PLEKHN1: variants seen among roughly 807,000 people sequenced by gnomAD.
The protein encoded by PLEKHN1 is pleckstrin homology domain-containing family N member 1.
A neutral mutation model predicts 72.8 loss-of-function variants in PLEKHN1; 68 were observed. That is an observed-to-expected ratio of 0.93 (90% CI 0.77 to 1.14). The LOEUF (loss-of-function observed/expected upper bound fraction) is 1.14, where lower values mean the gene tolerates loss of function less well. PLEKHN1 is among the 50% of genes most tolerant of loss of function. The pLI is 0.00. For missense variants in PLEKHN1, 1,015 were observed against 840.5 expected (o/e 1.21, Z -2.57); for synonymous variants, 454 against 371.6 (o/e 1.22, Z -2.55).
Position 966,725 on chromosome 1 carries a change from G to A in PLEKHN1, c.105G>A (p.Ser35=), listed in dbSNP as rs759715978. The A allele has an allele frequency of 4.4e-6, 7 of 1,573,654 alleles. No homozygotes were observed. The highest frequency in any genetic ancestry group is 4.1e-5 in the African/African-American group (3 of 73,858). The part of the protein sequence containing the change: ...KGNREDSARM[S]AGLPGPEAAR... ...CCAGAGAGGACAGCGCGCGGATGTC[G>A]GCCGGCCTGCCGGGCCCCGAGGCTG... The change falls in exon 2 of 16, where the codon TCG becomes TCA. Residue 35 remains serine (S), a synonymous_variant. Transcript: ENST00000379410.
At chr1:967,685 T>C (rs879279297) in intron 2 of PLEKHN1, among the ~76,000 whole-genome samples, 20 of 152,152 alleles carry the variant, frequency 1.3e-4, no homozygotes, top group Admixed American at 1.2e-3. Flanking sequence ...TCTCCTGACC[T>C]CCAGAGTTTC....
intron 8 of PLEKHN1, chr1:971,653 C>T (rs925392327): frequency 1.7e-6 from 1 of 596,190 alleles, no homozygotes; most frequent in Non-Finnish European, 3.0e-6. Context: ...GCTGAGAGCC[C>T]CTCCCGGGGA....
chr1:971,373 T>C lies in PLEKHN1; in HGVS notation c.758T>C (p.Phe253Ser), dbSNP rs140376358. The C allele has an allele frequency of 1.9e-6, 3 of 1,591,030 alleles. No homozygotes were observed. The highest frequency in any genetic ancestry group is 3.5e-5 in the Admixed American group (2 of 57,710). ...CTGTACCCAACGTCCTTGGCCATTT[T>C]CTCCGAGGAGCTGGACGGGCTTTGC... ...LVLYPTSLAI[F>S]SEELDGLCFK... Residue 253 changes from phenylalanine to serine, a missense_variant, in exon 8 of 16, where the codon TTC (phenylalanine) becomes TCC (serine). Coordinates refer to ENST00000379410, the MANE Select transcript of PLEKHN1 (RefSeq NM_032129.3).
intron 2 of PLEKHN1, among the ~76,000 whole-genome samples, chr1:967,126 G>A (rs566890189): frequency 1.3e-5 from 2 of 152,320 alleles, no homozygotes; most frequent in South Asian, 2.1e-4. Flanking sequence ...GGGTCGTGCC[G>A]GCAGGTAGTG....
chr1:966,824 G>GGCAC, intron 2 of PLEKHN1, 21 bp downstream of exon 2: 1 of 1,543,110 alleles, frequency 6.5e-7, no homozygotes, highest in Non-Finnish European at 8.7e-7. Context: ...CGTGCACGGT[G>GGCAC]GCTGTGGTCT....
intron 7 of PLEKHN1, 49 bp from the exon 8 acceptor site, chr1:971,275 A>G: frequency 4.5e-6 from 7 of 1,555,468 alleles, no homozygotes; most frequent in Non-Finnish European, 6.1e-6. Flanking sequence ...AGGGCGGTGC[A>G]ACAGCAGCTC....
At position 974,601 on chromosome 1, in the gene PLEKHN1, G is replaced by T; in HGVS notation, c.*26G>T. 6.3e-7 allele frequency: 1 copy of T among 1,595,018 alleles called. No individual in the cohort carries two copies. On this transcript the variant is annotated 3_prime_UTR_variant, in exon 16 of 16. Coordinates refer to ENST00000379410, the MANE Select transcript of PLEKHN1 (RefSeq NM_032129.3). The stretch of plus-strand genomic sequence containing the variant: ...TGGCCGCGGTGAGGTGGGTTCTCAG[G>T]ACCACCCTCGCCAAGCTCCAGGGTA...
In PLEKHN1 at chr1:973,929, T is replaced by C. The variant is rs3829738; in HGVS notation, c.1531T>C (p.Ser511Pro). 0.2 allele frequency: 314,958 copies of C among 1,610,798 alleles called. 32,473 individuals carry two copies. The highest frequency in any genetic ancestry group is 0.33 in the South Asian group (30,136 of 90,998). The change falls in exon 14 of 16, where the codon TCC (serine) becomes CCC (proline). Residue 511 changes from serine to proline, a missense_variant. Coordinates refer to ENST00000379410, the MANE Select transcript of PLEKHN1 (RefSeq NM_032129.3). ...GCCTGCCTCTGACCCTCGCTCCTGC[T>C]CCTCCGGCCCCGCTGGCCCCTACTT... ...SVPASDPRSC[S>P]SGPAGPYLLS...
chr1:974,771 G>T lies in PLEKHN1; in HGVS notation c.*196G>T. 1.4e-6 allele frequency: 1 copy of T among 735,404 alleles called. No homozygotes were observed. The highest frequency in any genetic ancestry group is 2.1e-6 in the Non-Finnish European group (1 of 465,956). 45.6% of individuals were successfully genotyped at this position (735,404 alleles called of 1,614,324 possible). On this transcript the variant is annotated 3_prime_UTR_variant, in exon 16 of 16. Coordinates refer to ENST00000379410, the MANE Select transcript of PLEKHN1 (RefSeq NM_032129.3). The stretch of plus-strand genomic sequence containing the variant: ...GCTGGGGCAGGGAAGGGTGGGAGGG[G>T]CCCCATCCAAAGGATGCCCTGGCCA...
rs759607245 is a variant in PLEKHN1 at position 972,104 on chromosome 1, C to T, written c.819C>T (p.Ile273=). The change falls in exon 9 of 16, where the codon ATC becomes ATT. Residue 273 remains isoleucine, a synonymous_variant. Transcript: ENST00000379410. Reference sequence around the variant, plus strand: ...AGCTCCCACTCCGTGCCGTCCACATCAACCTGGAGGAGAAGGAGAAGCAGA... The same window carrying T: ...AGCTCCCACTCCGTGCCGTCCACATTAACCTGGAGGAGAAGGAGAAGCAGA... The part of the protein sequence containing the change: ...KGELPLRAVH[I]NLEEKEKQIR... The T allele has an allele frequency of 1.2e-6, 2 of 1,613,054 alleles. No homozygotes were observed. The highest frequency in any genetic ancestry group is 1.7e-6 in the Non-Finnish European group (2 of 1,179,938).
At chr1:971,062 ACCT>A (rs1557647880) in intron 6 of PLEKHN1, 48 bp from the exon 7 acceptor site, 4 of 1,570,046 alleles carry the variant, frequency 2.5e-6, no homozygotes, top group East Asian at 2.3e-5. Flanking sequence ...GCCGGCTCTG[ACCT>A]CCTCCTCACA....
At chr1:968,902 C>T (rs1228091810) in intron 2 of PLEKHN1, among the ~76,000 whole-genome samples, 1 of 152,254 alleles carries the variant, frequency 6.6e-6, no homozygotes, top group Admixed American at 6.5e-5. Context: ...GGGGGAGACC[C>T]CTCGGGGCAC....
intron 2 of PLEKHN1, among the ~76,000 whole-genome samples, chr1:969,803 A>G (rs1004616337): frequency 9.9e-5 from 15 of 151,816 alleles, no homozygotes; most frequent in Non-Finnish European, 1.9e-4. Context: ...ATACATGTGT[A>G]TGTGTGCGCA....
intron 10 of PLEKHN1, 33 bp from the exon 11 acceptor site, chr1:972,828 G>C (rs28631612): frequency 4.6e-6 from 7 of 1,515,130 alleles, no homozygotes; most frequent in Middle Eastern, 4.6e-4. Flanking sequence ...AGGGGGTCCA[G>C]CCCTCACTCA....
chr1:974,363 A>G lies in PLEKHN1; in HGVS notation c.1701A>G (p.Thr567=). The G allele has an allele frequency of 6.2e-7, 1 of 1,613,004 alleles. No homozygotes were observed. Among genetic ancestry groups the G allele is most frequent in the East Asian group, 2.2e-5 (1 of 44,872 alleles). The part of the protein sequence containing the change: ...EGSPEPWLPL[T]DGRSPRRSRD... ...CGCCCGAACCCTGGCTGCCTCTGAC[A>G]GGTGAGTAAGGATCCTGCCTCCTGA... The change falls in exon 15 of 16, where the codon ACA becomes ACG. Residue 567 remains threonine (T), a splice_region_variant and synonymous_variant. Coordinates refer to ENST00000379410, the MANE Select transcript of PLEKHN1 (RefSeq NM_032129.3).
At chr1:973,044 G>T (rs747997007) in intron 11 of PLEKHN1, 34 bp downstream of exon 11, 5 of 1,579,846 alleles carry the variant, frequency 3.2e-6, no homozygotes, top group Non-Finnish European at 1.7e-6. Context: ...CGAAAGTGGG[G>T]CAGAAGGCTG....
At position 972,334 on chromosome 1, in the gene PLEKHN1, C is replaced by T. The variant is rs1643380181; in HGVS notation, c.912C>T (p.Asp304=). The T allele has an allele frequency of 6.2e-7, 1 of 1,612,426 alleles. No homozygotes were observed. The highest frequency in any genetic ancestry group is 1.3e-5 in the African/African-American group (1 of 74,934). The change falls in exon 10 of 16, where the codon GAC becomes GAT. Residue 304 remains aspartate (D), a synonymous_variant. Coordinates refer to ENST00000379410, the MANE Select transcript of PLEKHN1 (RefSeq NM_032129.3). The part of the protein sequence containing the change: ...TIRVVCASYE[D]YGHWLLCLRA... ...GCGTGGTGTGCGCCAGCTACGAGGA[C>T]TACGGTCACTGGCTGCTGTGCCTTC...
rs1643163510 is a variant in PLEKHN1 at position 969,375 on chromosome 1, A to ATG, written c.184-901_184-900insGT. Among the ~76,000 whole-genome samples, 6 of 39,924 alleles carry ATG rather than the reference A, an allele frequency of 1.5e-4. No homozygotes were observed. In the East Asian group the frequency reaches 2.7e-3, roughly 18 times the overall value. The allele number at this position is 39,924 out of a possible 152,430, so 26.2% of individuals were successfully genotyped here. On this transcript the variant is annotated intron_variant, in intron 2 of 15. Transcript: ENST00000379410. The stretch of plus-strand genomic sequence containing the variant: ...TATGTGTGCATGTGTTTGCACGTGT[A>ATG]TATGTGTGCACACATCTGTGTGTAT...
chr1:972,258 C>CG, intron 9 of PLEKHN1, 30 bp from the exon 10 acceptor site: 2 of 1,603,570 alleles, frequency 1.2e-6, no homozygotes, highest in Non-Finnish European at 1.7e-6. Flanking sequence ...TGCACCCCCC[C>CG]GCCAGCCCCT....
Sources: gnomAD v4.1 joint callset for allele counts (sites outside exome capture counted in the v4.1 genomes callset) on GRCh38, gnomAD v4.1.1 for gene constraint, MANE v1.5 for transcripts, NCBI Gene and HGNC (gene_info 2026-07-23, HGNC 2026-07-21) for gene names.